YPEL5: variants seen among roughly 807,000 people sequenced by gnomAD.
YPEL5 encodes the protein yippee like 5.
A neutral mutation model predicts 10.5 loss-of-function variants in YPEL5; 1 was observed. The ratio of observed to expected loss-of-function variants is 0.10; its 90% CI spans 0.03 to 0.45. The LOEUF (loss-of-function observed/expected upper bound fraction) is 0.45. YPEL5 is among the 20% of genes least tolerant of loss of function. YPEL5 has a pLI of 0.97. For missense variants in YPEL5, 68 were observed against 159.3 expected, an observed-to-expected ratio of 0.43 and a Z score of 3.09; for synonymous variants, 61 against 56.6, an observed-to-expected ratio of 1.08 and a Z score of -0.35.
chr2:30,149,569 C>T (rs1430896779), intron 1 of YPEL5, among the ~76,000 whole-genome samples: 1 of 152,178 alleles, frequency 6.6e-6, no homozygotes, highest in Non-Finnish European at 1.5e-5. Flanking sequence ...TTATAGTAAT[C>T]AACCCAGCAC....
At chr2:30,152,311 G>T (rs1219741267) in intron 1 of YPEL5, among the ~76,000 whole-genome samples, 1 of 152,202 alleles carries the variant, frequency 6.6e-6, no homozygotes, top group Non-Finnish European at 1.5e-5. Context: ...TAGCAGAAAT[G>T]AAGTGGTACG....
intron 1 of YPEL5, chr2:30,148,148 A>G (rs1439550618): frequency 6.6e-6 from 1 of 152,196 alleles, no homozygotes; most frequent in African/African-American, 2.4e-5. Context: ...AAATACTACA[A>G]AGATCTGTTT....
At chr2:30,153,878 A>C (rs1000525914) in intron 1 of YPEL5, among the ~76,000 whole-genome samples, 12 of 152,240 alleles carry the variant, frequency 7.9e-5, no homozygotes, top group East Asian at 3.8e-4. Context: ...AAGAGAAAAA[A>C]TAGATGGAAT....
intron 1 of YPEL5, among the ~76,000 whole-genome samples, chr2:30,149,805 A>G (rs1445965030): frequency 3.9e-5 from 6 of 152,234 alleles, no homozygotes; most frequent in East Asian, 1.9e-4. Flanking sequence ...TTCTGATGCA[A>G]TGGAAAACCC....
At chr2:30,151,303 T>TA (rs1277685340) in intron 1 of YPEL5, among the ~76,000 whole-genome samples, 22 of 152,192 alleles carry the variant, frequency 1.4e-4, no homozygotes, top group Admixed American at 3.3e-4. Flanking sequence ...TTTCCCCTCT[T>TA]ACAGATTCTG....
chr2:30,156,035 A>G (rs1332543769), intron 1 of YPEL5: 1 of 152,286 alleles, frequency 6.6e-6, no homozygotes, highest in Non-Finnish European at 1.5e-5. Context: ...AGCTGTGACA[A>G]TTTTGAAATA....
At position 30,160,219 on chromosome 2, in the gene YPEL5, T is replaced by C. The variant is rs1342411175; in HGVS notation, c.*1376T>C. ...TAGGTCCTTTGTCTAGAAAGGAAATTTGCCTCAGTTGAATTAGTGAAATAT... is the reference window on the plus strand; with the variant it reads ...TAGGTCCTTTGTCTAGAAAGGAAATCTGCCTCAGTTGAATTAGTGAAATAT... On this transcript the variant is annotated 3_prime_UTR_variant, in exon 3 of 3. Coordinates refer to ENST00000261353, the MANE Select transcript of YPEL5 (RefSeq NM_016061.3). 1 of 152,458 alleles carries C rather than the reference T, an allele frequency of 6.6e-6. No individual in the cohort carries two copies. Among genetic ancestry groups the C allele is most frequent in the Non-Finnish European group, 1.5e-5 (1 of 68,042 alleles). 9.4% of individuals were successfully genotyped at this position (152,458 alleles called of 1,614,324 possible). A position where few individuals can be genotyped will look rare whatever the true frequency, so the allele number is the denominator to read the frequency against.
intron 1 of YPEL5, chr2:30,156,346 C>A: frequency 3.7e-6 from 1 of 267,478 alleles, no homozygotes; most frequent in South Asian, 9.0e-5. Flanking sequence ...TTTCTTTTTC[C>A]ACACCAGCCA....
At chr2:30,158,498 C>G in intron 2 of YPEL5, 121 bp from the exon 3 acceptor site, 1 of 951,884 alleles carries the variant, frequency 1.1e-6, no homozygotes, top group East Asian at 2.6e-5. Flanking sequence ...ATAGGTTTGA[C>G]TAAACTAACA....
chr2:30,151,295 T>TC (rs912453626), intron 1 of YPEL5, among the ~76,000 whole-genome samples: 1 of 152,068 alleles, frequency 6.6e-6, no homozygotes, highest in African/African-American at 2.4e-5. Flanking sequence ...TCTTTTTTTT[T>TC]CCCCTCTTAC....
chr2:30,157,649 CTG>C (rs1293765066), intron 2 of YPEL5, among the ~76,000 whole-genome samples: 1 of 152,138 alleles, frequency 6.6e-6, no homozygotes, highest in Non-Finnish European at 1.5e-5. Flanking sequence ...CTCCCGGAAT[CTG>C]GTATATAATA....
chr2:30,153,152 T>C (rs1374625737), intron 1 of YPEL5, among the ~76,000 whole-genome samples: 1 of 152,166 alleles, frequency 6.6e-6, no homozygotes, highest in Admixed American at 6.5e-5. Flanking sequence ...CCGCCCACCT[T>C]GGCCTCCCCA....
intron 1 of YPEL5, among the ~76,000 whole-genome samples, chr2:30,150,063 C>A (rs1347979905): frequency 2.0e-5 from 3 of 152,192 alleles, no homozygotes; most frequent in African/African-American, 7.2e-5. Flanking sequence ...ATAGGGACAA[C>A]AAGTACCTAT....
In YPEL5 at chr2:30,158,644, T is replaced by C; in HGVS notation, c.167T>C (p.Val56Ala). 6.2e-7 allele frequency: 1 copy of C among 1,613,804 alleles called. No homozygotes were observed. Among genetic ancestry groups the C allele is most frequent in the Non-Finnish European group, 8.5e-7 (1 of 1,180,040 alleles). ...NKVVNLQYSE[V>A]QDRVMLTGRH... ...GTAGTTAACCTGCAGTACAGTGAAG[T>C]TCAAGATCGGGTCATGCTCACTGGC... The change falls in exon 3 of 3, where the codon GTT becomes GCT. Residue 56 changes from valine (V) to alanine (A), a missense_variant. Physicochemically the swap from Val to Ala is moderately conservative, Grantham distance 64. Transcript: ENST00000261353.
intron 1 of YPEL5, among the ~76,000 whole-genome samples, chr2:30,149,714 G>T (rs970250683): frequency 2.6e-5 from 4 of 152,212 alleles, no homozygotes; most frequent in Non-Finnish European, 5.9e-5. Context: ...GCAAGGGGCA[G>T]GTTCCTTTAA....
Position 30,157,895 on chromosome 2 carries a change from G to A in YPEL5, c.142-724G>A, listed in dbSNP as rs184596971. Among the ~76,000 whole-genome samples the A allele has an allele frequency of 4.6e-5, 7 of 152,320 alleles. No individual in the cohort carries two copies. In the East Asian group the frequency reaches 1.2e-3, roughly 25 times the overall value. On this transcript the variant is annotated intron_variant, in intron 2 of 2. Coordinates refer to ENST00000261353, the MANE Select transcript of YPEL5 (RefSeq NM_016061.3). ...TGTAATGGAACACAGCTCTGCTTGT[G>A]CATTACGTATTGTCTACAGCTTCTT...
At chr2:30,150,515 G>C (rs971447271) in intron 1 of YPEL5, among the ~76,000 whole-genome samples, 3 of 152,202 alleles carry the variant, frequency 2.0e-5, no homozygotes, top group African/African-American at 7.2e-5. Context: ...AGTCCTGGGG[G>C]TGGAGAGAGG....
At chr2:30,154,590 T>C (rs1052029567) in intron 1 of YPEL5, among the ~76,000 whole-genome samples, 5 of 152,204 alleles carry the variant, frequency 3.3e-5, no homozygotes, top group Admixed American at 2.0e-4. Flanking sequence ...TTAAAAACTG[T>C]GTGACCCAAA....
At chr2:30,158,448 G>T (rs1676138703) in intron 2 of YPEL5, among the ~76,000 whole-genome samples, 171 bp from the exon 3 acceptor site, 1 of 152,196 alleles carries the variant, frequency 6.6e-6, no homozygotes, top group South Asian at 2.1e-4. Context: ...CCAGATGTCT[G>T]CCTGCCCCAG....
Sources: gnomAD v4.1 joint callset for allele counts (sites outside exome capture counted in the v4.1 genomes callset) on GRCh38, gnomAD v4.1.1 for gene constraint, MANE v1.5 for transcripts, NCBI Gene and HGNC (gene_info 2026-07-23, HGNC 2026-07-21) for gene names.